Variants in TSC1 observed in about 807,000 individuals in gnomAD.
TSC1 encodes TSC complex subunit 1.
A neutral mutation model predicts 124.3 loss-of-function variants in TSC1; 20 were observed. The observed-to-expected ratio is 0.16, with a 90% CI of 0.11 to 0.23. The LOEUF (loss-of-function observed/expected upper bound fraction) is 0.23. Ranked by LOEUF, TSC1 falls within the 10% of genes least tolerant of loss-of-function variation. TSC1 has a pLI of 1.00. For missense variants in TSC1, 1,124 were observed against 1,448.5 expected, an observed-to-expected ratio of 0.78 and a Z score of 3.64; for synonymous variants, 493 against 539.1, an observed-to-expected ratio of 0.91 and a Z score of 1.19.
intron 8 of TSC1, among the ~76,000 whole-genome samples, chr9:132,915,722 C>T (rs922593209): frequency 3.3e-5 from 5 of 152,166 alleles, no homozygotes; most frequent in Non-Finnish European, 7.4e-5. Context: ...GCATGTGATC[C>T]TACTCAACTG....
chr9:132,937,566 T>C (rs957153443), intron 1 of TSC1, among the ~76,000 whole-genome samples: 5 of 152,174 alleles, frequency 3.3e-5, no homozygotes, highest in African/African-American at 1.2e-4. Flanking sequence ...GGTTGGACAT[T>C]TTACCTGAAA....
At chr9:132,908,697 C>T (rs1845791791) in intron 12 of TSC1, among the ~76,000 whole-genome samples, 1 of 151,802 alleles carries the variant, frequency 6.6e-6, no homozygotes, top group Non-Finnish European at 1.5e-5. Context: ...ATCTACCTCC[C>T]TTGGACTCCC....
rs570546115 is a variant in TSC1, at chr9:132,920,134, T to C, written c.737+1229A>G. 3.9e-5 allele frequency among the ~76,000 whole-genome samples: 6 copies of C among 152,306 alleles called. No homozygotes were observed. In the South Asian group the frequency reaches 1.2e-3, roughly 32 times the overall value. On this transcript the variant is annotated intron_variant, in intron 8 of 22. Coordinates refer to ENST00000298552, the MANE Select transcript of TSC1 (RefSeq NM_000368.5). ...GTGTTTCCCAGACTCATTCATGACCTTGTGCACTGACTTCCCAGAAGGGGC... is the reference window on the plus strand; with the variant it reads ...GTGTTTCCCAGACTCATTCATGACCCTGTGCACTGACTTCCCAGAAGGGGC...
upstream of TSC1, chr9:132,944,737 C>T: frequency 2.5e-6 from 1 of 397,728 alleles, no homozygotes; most frequent in Non-Finnish European, 4.4e-6. Context: ...TCGGCAGCCC[C>T]GCCGGAAGGA....
rs1166525784 is a variant in TSC1, at chr9:132,893,475, T to C, written c.*2760A>G. 1 of 233,188 alleles carries C rather than the reference T, an allele frequency of 4.3e-6. No homozygotes were observed. The highest frequency in any genetic ancestry group is 8.5e-6 in the Non-Finnish European group (1 of 118,052). The allele number at this position is 233,188 out of a possible 1,614,324, so 14.4% of individuals were successfully genotyped here. On this transcript the variant is annotated 3_prime_UTR_variant, in exon 23 of 23. Coordinates refer to ENST00000298552, the MANE Select transcript of TSC1 (RefSeq NM_000368.5). ...TATCAGATGCAGATCTGTGTGTTTA[T>C]TCACCTGCAGGGACTCCGGAGCTCA...
In TSC1 at chr9:132,892,192, A is replaced by C; in HGVS notation, c.*4043T>G. On this transcript the variant is annotated 3_prime_UTR_variant, in exon 23 of 23. Coordinates refer to ENST00000298552, the MANE Select transcript of TSC1 (RefSeq NM_000368.5). ...TCGAAGAGTCCCGGACAGGCAAACA[A>C]GCCACATGGGACAAGGGTCACAGCA... is the stretch of plus-strand genomic sequence containing the variant. 1 of 233,354 alleles carries C rather than the reference A, an allele frequency of 4.3e-6. No homozygotes were observed. Among genetic ancestry groups the C allele is most frequent in the Non-Finnish European group, 8.5e-6 (1 of 118,114 alleles). 14.5% of individuals were successfully genotyped at this position (233,354 alleles called of 1,614,324 possible).
rs1255971361 is a variant in TSC1, at chr9:132,925,870, G to A, written c.211-131C>T. On this transcript the variant is annotated intron_variant, in intron 4 of 22. Transcript: ENST00000298552. ...TAAAGCAAGGGTCATGCAGATAAAA[G>A]GTCAAATTCAAGATTTTAAAAACCA... is the stretch of plus-strand genomic sequence containing the variant. 1.2e-5 allele frequency: 15 copies of A among 1,245,118 alleles called. No homozygotes were observed. The Admixed American group carries it at 3.2e-4, about 27-fold the overall frequency. The allele number at this position is 1,245,118 out of a possible 1,614,324, so 77.1% of individuals were successfully genotyped here.
Position 132,910,592 on chromosome 9 carries a change from G to A in TSC1, c.1242C>T (p.Ala414=), listed in dbSNP as rs2131939262. The stretch of plus-strand genomic sequence containing the variant: ...GCACCTTCCTGGGGGGTGTGACTGT[G>A]GCCTGGGGGAGTGAAATGTGCACGT... The part of the protein sequence containing the change: ...DDYVHISLPQ[A]TVTPPRKEER... Residue 414 remains alanine (A), a synonymous_variant, in exon 12 of 23, where the codon GCC becomes GCT. Coordinates refer to ENST00000298552, the MANE Select transcript of TSC1 (RefSeq NM_000368.5). 6.2e-7 allele frequency: 1 copy of A among 1,614,106 alleles called. No individual in the cohort carries two copies. The highest frequency in any genetic ancestry group is 2.2e-5 in the East Asian group (1 of 44,872).
chr9:132,912,542 G>A (rs759067244), intron 8 of TSC1, 85 bp from the exon 9 acceptor site: 191 of 1,520,582 alleles, frequency 1.3e-4, no homozygotes, highest in Middle Eastern at 8.7e-4. Context: ...TGCCAGCCAC[G>A]GAACTCTGAT....
At chr9:132,944,395 G>A (rs1847949852) in intron 1 of TSC1, 148 bp downstream of exon 1, 1 of 393,066 alleles carries the variant, frequency 2.5e-6, no homozygotes, top group African/African-American at 2.1e-5. Flanking sequence ...GGAGGGGAGA[G>A]CTCTCCGAAC....
intron 6 of TSC1, among the ~76,000 whole-genome samples, chr9:132,922,725 G>C (rs1345409180): frequency 6.6e-6 from 1 of 152,106 alleles, no homozygotes; most frequent in Non-Finnish European, 1.5e-5. Flanking sequence ...ATCCTATACA[G>C]GAAGGCACGG....
At chr9:132,919,724 G>A (rs1846446828) in intron 8 of TSC1, among the ~76,000 whole-genome samples, 1 of 152,176 alleles carries the variant, frequency 6.6e-6, no homozygotes, top group South Asian at 2.1e-4. Flanking sequence ...AAAGCCCCAG[G>A]AGACTAGGAT....
At chr9:132,900,674 C>G (rs774673604) in intron 20 of TSC1, 41 bp downstream of exon 20, 1 of 1,612,592 alleles carries the variant, frequency 6.2e-7, no homozygotes, top group African/African-American at 1.3e-5. Flanking sequence ...GGGTCTGAAA[C>G]GCTTTCCCCA....
At chr9:132,915,471 T>C (rs983827084) in intron 8 of TSC1, among the ~76,000 whole-genome samples, 4 of 152,244 alleles carry the variant, frequency 2.6e-5, no homozygotes, top group Admixed American at 2.6e-4. Flanking sequence ...CGAACAATGT[T>C]CATTTATTCT....
chr9:132,932,224 C>G (rs967823427), intron 2 of TSC1, among the ~76,000 whole-genome samples: 3 of 152,190 alleles, frequency 2.0e-5, no homozygotes, highest in Non-Finnish European at 4.4e-5. Context: ...GAGGGCATGA[C>G]CTTCAAGGCC....
At chr9:132,905,270 C>T (rs1409348164) in intron 15 of TSC1, among the ~76,000 whole-genome samples, 2 of 152,190 alleles carry the variant, frequency 1.3e-5, no homozygotes, top group African/African-American at 4.8e-5. Context: ...TCATTTTCAG[C>T]CTACAGCTTG....
At chr9:132,939,623 CATT>C (rs1378758742) in intron 1 of TSC1, among the ~76,000 whole-genome samples, 19 of 152,206 alleles carry the variant, frequency 1.2e-4, no homozygotes, top group Admixed American at 1.2e-3. Flanking sequence ...ACATGAACAA[CATT>C]ATTTACTAAG....
rs1844950821 is a variant in TSC1 at position 132,894,846 on chromosome 9, T to G, written c.*1389A>C. 1 of 232,266 alleles carries G rather than the reference T, an allele frequency of 4.3e-6. No individual in the cohort carries two copies. Among genetic ancestry groups the G allele is most frequent in the African/African-American group, 2.2e-5 (1 of 45,332 alleles). 14.4% of individuals were successfully genotyped at this position (232,266 alleles called of 1,614,324 possible). A position where few individuals can be genotyped will look rare whatever the true frequency, so the allele number is the denominator to read the frequency against. ...ATAGAAACAGGAAAGCCAAGTTCAC[T>G]GGCTCCTTCCTACCAAATCCCCCTG... On this transcript the variant is annotated 3_prime_UTR_variant, in exon 23 of 23. Transcript: ENST00000298552.
Position 132,903,750 on chromosome 9 carries a change from G to C in TSC1, c.2109C>G (p.Leu703=), listed in dbSNP as rs1440846632. The C allele has an allele frequency of 4.3e-6, 7 of 1,613,788 alleles. No homozygotes were observed. The highest frequency in any genetic ancestry group is 5.9e-6 in the Non-Finnish European group (7 of 1,180,028). ...DQLLLLHNQL[L]YERFKRQQHA... ...GCTGCTGCCTCTTAAAACGCTCATA[G>C]AGTAACTGGTTGTGCAGTAAAAGCA... Residue 703 remains leucine, a synonymous_variant, in exon 17 of 23, where the codon CTC becomes CTG. Coordinates refer to ENST00000298552, the MANE Select transcript of TSC1 (RefSeq NM_000368.5). The surrounding 1 kb of genome is among the most constrained non-coding windows in gnomAD (Gnocchi z 5.9).
Sources: allele counts gnomAD v4.1 joint callset (sites outside exome capture counted in the v4.1 genomes callset), GRCh38; gene constraint gnomAD v4.1.1; non-coding constraint Gnocchi (gnomAD v3.1); transcripts MANE v1.5; gene names NCBI Gene and HGNC (gene_info 2026-07-23, HGNC 2026-07-21).